Variants in IFTAP observed in about 807,000 individuals in gnomAD.
The protein encoded by IFTAP is intraflagellar transport-associated protein.
In IFTAP, 19 loss-of-function variants were observed where a neutral mutation model predicts 19.4. The observed-to-expected ratio is 0.98, with a 90% CI of 0.68 to 1.44. IFTAP has a LOEUF of 1.44. Among genes scored for constraint, IFTAP ranks in the 40% most tolerant of loss-of-function variants. IFTAP has a pLI of 0.00. For synonymous variants in IFTAP, 85 were observed against 83.5 expected, an observed-to-expected ratio of 1.02 and a Z score of -0.10; for missense variants, 240 against 253.6, an observed-to-expected ratio of 0.95 and a Z score of 0.36.
intron 5 of IFTAP, among the ~76,000 whole-genome samples, chr11:36,655,616 G>A (rs965269903): frequency 6.6e-6 from 1 of 152,110 alleles, no homozygotes; most frequent in African/African-American, 2.4e-5. Context: ...GGGATGTACT[G>A]GCCACATTAC....
intron 1 of IFTAP, chr11:36,598,057 G>C (rs1312723554): frequency 6.6e-6 from 1 of 151,834 alleles, no homozygotes; most frequent in Non-Finnish European, 1.5e-5. Context: ...ACTAACATAG[G>C]CTCCCATTTT....
chr11:36,659,108 G>A lies in IFTAP; in HGVS notation c.588G>A (p.Glu196=). ...TAACCTCCAAGTTTAGTCCTGCAGAGATAGAGAACATCAAAGAGCTATGCA... is the reference window on the plus strand; with the variant it reads ...TAACCTCCAAGTTTAGTCCTGCAGAAATAGAGAACATCAAAGAGCTATGCA... ...VMLTSKFSPA[E]IENIKELCKQ... The change falls in exon 6 of 6, where the codon GAG becomes GAA. Residue 196 remains glutamate (E), a synonymous_variant. Transcript: ENST00000334307. 1.9e-6 allele frequency: 3 copies of A among 1,610,376 alleles called. No homozygotes were observed. Among genetic ancestry groups the A allele is most frequent in the Non-Finnish European group, 2.5e-6 (3 of 1,178,158 alleles).
At chr11:36,655,221 G>A (rs1386815575) in intron 5 of IFTAP, among the ~76,000 whole-genome samples, 1 of 152,170 alleles carries the variant, frequency 6.6e-6, no homozygotes, top group South Asian at 2.1e-4. Flanking sequence ...ATGAAATTCT[G>A]CATCTTATTT....
At chr11:36,645,316 A>G (rs571944695) in intron 4 of IFTAP, among the ~76,000 whole-genome samples, 2 of 152,270 alleles carry the variant, frequency 1.3e-5, no homozygotes, top group South Asian at 2.1e-4. Flanking sequence ...GAATTTCTAA[A>G]CACGTGGTTG....
At chr11:36,607,321 T>C (rs1183656718) in intron 1 of IFTAP, among the ~76,000 whole-genome samples, 1 of 152,180 alleles carries the variant, frequency 6.6e-6, no homozygotes, top group African/African-American at 2.4e-5. Flanking sequence ...GTGAGGCATG[T>C]GTAGTTTCAC....
intron 4 of IFTAP, among the ~76,000 whole-genome samples, chr11:36,640,155 G>A (rs1488357213): frequency 6.6e-6 from 1 of 152,120 alleles, no homozygotes; most frequent in East Asian, 1.9e-4. Context: ...TGTGGTATAG[G>A]AACCCCTCAG....
At chr11:36,611,687 G>C (rs1296188981) in intron 2 of IFTAP, among the ~76,000 whole-genome samples, 1 of 152,074 alleles carries the variant, frequency 6.6e-6, no homozygotes, top group Non-Finnish European at 1.5e-5. Flanking sequence ...AAAAAACATA[G>C]ATGTGGTGAT....
chr11:36,659,015 A>G lies in IFTAP; in HGVS notation c.499-4A>G, dbSNP rs779181780. ...GTTTTTTCCTCCTTTGTTACCTTTT[A>G]TAGATACTTGGAGATGAAGTTCAAC... On this transcript the variant is annotated splice_polypyrimidine_tract_variant and splice_region_variant and intron_variant, in intron 5 of 5. Transcript: ENST00000334307. 1.2e-5 allele frequency: 19 copies of G among 1,577,550 alleles called. No homozygotes were observed. Among genetic ancestry groups the G allele is most frequent in the African/African-American group, 2.7e-5 (2 of 73,546 alleles).
At chr11:36,598,842 TTC>T (rs1404589716) in intron 1 of IFTAP, among the ~76,000 whole-genome samples, 1 of 152,206 alleles carries the variant, frequency 6.6e-6, no homozygotes, top group African/African-American at 2.4e-5. Context: ...AAGCCTCTGT[TTC>T]TCTGTCTCTG....
At chr11:36,611,708 A>T (rs1851882452) in intron 2 of IFTAP, among the ~76,000 whole-genome samples, 2 of 152,076 alleles carry the variant, frequency 1.3e-5, no homozygotes, top group African/African-American at 4.8e-5. Flanking sequence ...TTTTGTTTAT[A>T]CTTAATGGAA....
chr11:36,632,457 C>A (rs1477500873), intron 2 of IFTAP, among the ~76,000 whole-genome samples: 1 of 151,014 alleles, frequency 6.6e-6, no homozygotes, highest in African/African-American at 2.5e-5. Flanking sequence ...AAGCTGAATT[C>A]ATTCATTATC....
chr11:36,639,479 G>A (rs1234859557), intron 4 of IFTAP, among the ~76,000 whole-genome samples: 1 of 152,182 alleles, frequency 6.6e-6, no homozygotes, highest in Non-Finnish European at 1.5e-5. Context: ...GCTGGGTAAA[G>A]AAAAGAGGTT....
chr11:36,611,830 C>A (rs1473807452), intron 2 of IFTAP, among the ~76,000 whole-genome samples: 2 of 151,938 alleles, frequency 1.3e-5, no homozygotes, highest in Non-Finnish European at 2.9e-5. Flanking sequence ...ATCTTTTAGT[C>A]TGTGCACCTG....
chr11:36,605,048 T>C (rs903695542), intron 1 of IFTAP, among the ~76,000 whole-genome samples: 1 of 151,666 alleles, frequency 6.6e-6, no homozygotes, highest in African/African-American at 2.4e-5. Context: ...AGTTTGGTCT[T>C]TTGGAGATTT....
chr11:36,651,220 G>C (rs2133530289), intron 5 of IFTAP, among the ~76,000 whole-genome samples: 1 of 152,272 alleles, frequency 6.6e-6, no homozygotes, highest in Non-Finnish European at 1.5e-5. Context: ...AGCATCTGTT[G>C]TTTCCTGACT....
intron 5 of IFTAP, among the ~76,000 whole-genome samples, chr11:36,651,665 C>T (rs1365256197): frequency 6.6e-6 from 1 of 152,160 alleles, no homozygotes; most frequent in Non-Finnish European, 1.5e-5. Flanking sequence ...AGGTTTTCTT[C>T]TAGGGTTTTT....
chr11:36,644,094 A>G (rs976720157), intron 4 of IFTAP, among the ~76,000 whole-genome samples: 5 of 152,230 alleles, frequency 3.3e-5, no homozygotes, highest in Non-Finnish European at 5.9e-5. Flanking sequence ...TTTGCAATCT[A>G]CTCAACTGAC....
In IFTAP at chr11:36,613,917, C is replaced by CT. The variant is rs199913512; in HGVS notation, c.136+3690dup. 4.9e-3 allele frequency among the ~76,000 whole-genome samples: 692 copies of CT among 142,184 alleles called. 5 individuals carry two copies. The highest frequency in any genetic ancestry group is 0.01 in the African/African-American group (402 of 39,064). 93.3% of individuals were successfully genotyped at this position (142,184 alleles called of 152,430 possible). On this transcript the variant is annotated intron_variant, in intron 2 of 5. Transcript: ENST00000334307. Reference sequence around the variant, plus strand: ...TCTTTTTTTGTTGTTGTTGAGTTTTCTTTTTTTTTTTTAATTATACTTTAA... The same window carrying CT: ...TCTTTTTTTGTTGTTGTTGAGTTTTCTTTTTTTTTTTTTAATTATACTTTAA...
intron 4 of IFTAP, among the ~76,000 whole-genome samples, chr11:36,638,576 G>A (rs2133474096): frequency 6.6e-6 from 1 of 152,290 alleles, no homozygotes; most frequent in Non-Finnish European, 1.5e-5. Flanking sequence ...TAAATAGTTG[G>A]TGCCAAGGCG....
Sources: allele counts gnomAD v4.1 joint callset (sites outside exome capture counted in the v4.1 genomes callset), GRCh38; gene constraint gnomAD v4.1.1; transcripts MANE v1.5; gene names NCBI Gene and HGNC (gene_info 2026-07-23, HGNC 2026-07-21).